Variants in OR7E24 observed in about 807,000 individuals in gnomAD.
The protein encoded by OR7E24 is olfactory receptor 7E24.
For synonymous variants in OR7E24, 130 were observed against 157.5 expected, an observed-to-expected ratio of 0.83 and a Z score of 1.31; for missense variants, 385 against 410.3, an observed-to-expected ratio of 0.94 and a Z score of 0.53.
At chr19:9,242,632 G>A (rs1282271181), upstream of OR7E24, among the ~76,000 whole-genome samples, 2 of 152,116 alleles carry the variant, frequency 1.3e-5, no homozygotes, top group Non-Finnish European at 2.9e-5. Context: ...CTATAACCTG[G>A]CAACTTGACG....
the OR7E24 span, among the ~76,000 whole-genome samples, chr19:9,215,341 CAAAAA>C: frequency 1.2e-5 from 1 of 83,126 alleles, no homozygotes; most frequent in African/African-American, 3.5e-5. Context: ...GACTCCGTCT[CAAAAA>C]AAAAAAAAAA....
the OR7E24 span, among the ~76,000 whole-genome samples, chr19:9,233,498 TG>T: frequency 2.0e-5 from 3 of 152,256 alleles, no homozygotes; most frequent in Admixed American, 2.0e-4. Flanking sequence ...TGTGTGCTTT[TG>T]TTTCCTCCTC....
At chr19:9,224,491 C>A in the OR7E24 span, among the ~76,000 whole-genome samples, 1 of 152,096 alleles carries the variant, frequency 6.6e-6, no homozygotes, top group African/African-American at 2.4e-5. Context: ...CATGGTGGCT[C>A]ACACCTGTAA....
chr19:9,232,704 C>G, the OR7E24 span, among the ~76,000 whole-genome samples: 1 of 152,074 alleles, frequency 6.6e-6, no homozygotes, highest in African/African-American at 2.4e-5. Context: ...GGCAGCGCCT[C>G]GGAGAGAGCT....
chr19:9,234,998 C>A, the OR7E24 span: 4 of 497,936 alleles, frequency 8.0e-6, no homozygotes, highest in East Asian at 3.2e-5. Flanking sequence ...TGAGAAACTC[C>A]GCACGTTTCA....
At chr19:9,232,851 G>C in the OR7E24 span, among the ~76,000 whole-genome samples, 1 of 152,034 alleles carries the variant, frequency 6.6e-6, no homozygotes, top group African/African-American at 2.4e-5. Flanking sequence ...CTAAGTGACG[G>C]GTACCATGTA....
At chr19:9,207,444 T>A in the OR7E24 span, 1 of 152,322 alleles carries the variant, frequency 6.6e-6, no homozygotes, top group Non-Finnish European at 1.5e-5. Context: ...ATGTTCCCAC[T>A]CATACCTATG....
At chr19:9,214,954 C>T in the OR7E24 span, 5 of 626,642 alleles carry the variant, frequency 8.0e-6, no homozygotes, top group African/African-American at 7.4e-5. Context: ...TGTCACCCTT[C>T]CTGGAGTCCT....
chr19:9,233,892 G>A, the OR7E24 span, among the ~76,000 whole-genome samples: 1 of 146,202 alleles, frequency 6.8e-6, no homozygotes, highest in African/African-American at 2.5e-5. Flanking sequence ...CAGCTAAGAG[G>A]GTTTACATGT....
At chr19:9,243,925 G>A (rs571096028), upstream of OR7E24, among the ~76,000 whole-genome samples, 38 of 152,262 alleles carry the variant, frequency 2.5e-4, no homozygotes, top group South Asian at 7.5e-3. Context: ...GCCTCCTCCC[G>A]GGAGAGTCCC....
chr19:9,223,734 C>T, the OR7E24 span, among the ~76,000 whole-genome samples: 34 of 135,654 alleles, frequency 2.5e-4, no homozygotes, highest in Non-Finnish European at 4.5e-4. Flanking sequence ...TTTTTCTCTT[C>T]TTTTTTTTTT....
chr19:9,222,521 A>C, the OR7E24 span, among the ~76,000 whole-genome samples: 2 of 152,144 alleles, frequency 1.3e-5, no homozygotes, highest in African/African-American at 4.8e-5. Flanking sequence ...TCACCTCCTC[A>C]GTTAAATTTA....
At chr19:9,228,109 G>T in the OR7E24 span, among the ~76,000 whole-genome samples, 3 of 152,076 alleles carry the variant, frequency 2.0e-5, no homozygotes, top group Non-Finnish European at 4.4e-5. Flanking sequence ...CTTCCATAAC[G>T]AATGAACTAA....
chr19:9,239,726 T>TTTTTTC, the OR7E24 span, among the ~76,000 whole-genome samples: 1 of 147,608 alleles, frequency 6.8e-6, no homozygotes, highest in African/African-American at 2.5e-5. Flanking sequence ...TTTTTTTTTT[T>TTTTTTC]GAGTTGGAGT....
chr19:9,217,367 G>T, the OR7E24 span, among the ~76,000 whole-genome samples: 2 of 152,106 alleles, frequency 1.3e-5, no homozygotes, highest in African/African-American at 4.8e-5. Flanking sequence ...AAAAAAATTT[G>T]CATTTTTCAT....
the OR7E24 span, among the ~76,000 whole-genome samples, chr19:9,225,782 AG>A: frequency 6.6e-6 from 1 of 152,232 alleles, no homozygotes; most frequent in Non-Finnish European, 1.5e-5. Context: ...TATCCATTTC[AG>A]AATGAAGGTC....
chr19:9,247,986 G>T (rs1293373682), upstream of OR7E24, among the ~76,000 whole-genome samples: 1 of 152,042 alleles, frequency 6.6e-6, no homozygotes, highest in African/African-American at 2.4e-5. Flanking sequence ...AGGAGTTCTT[G>T]GTGTAGTTTC....
the OR7E24 span, among the ~76,000 whole-genome samples, chr19:9,227,998 C>T: frequency 6.6e-6 from 1 of 151,400 alleles, no homozygotes; most frequent in East Asian, 2.0e-4. Context: ...CGTGATCCGC[C>T]CGCCTCGGCC....
At chr19:9,214,241 C>T in the OR7E24 span, 240 of 1,614,044 alleles carry the variant, frequency 1.5e-4, no homozygotes, top group Non-Finnish European at 2.0e-4. Flanking sequence ...TGGCCACATA[C>T]AAGACAATGT....
Sources: gnomAD v4.1 joint callset for allele counts (sites outside exome capture counted in the v4.1 genomes callset) on GRCh38, gnomAD v4.1.1 for gene constraint, MANE v1.5 for transcripts, NCBI Gene and HGNC (gene_info 2026-07-23, HGNC 2026-07-21) for gene names.